The following TMEM51 variants were observed in gnomAD, a reference collection of about 807,000 sequenced individuals.
The protein encoded by TMEM51 is transmembrane protein 51.
In TMEM51, 8 loss-of-function variants were observed where a neutral mutation model predicts 13.6. The ratio of observed to expected loss-of-function variants is 0.59; its 90% CI spans 0.35 to 1.07. The LOEUF (loss-of-function observed/expected upper bound fraction) is 1.07, where lower values mean the gene tolerates loss of function less well. TMEM51 is among the 50% of genes least tolerant of loss of function. TMEM51 has a pLI of 0.02. For synonymous variants in TMEM51, 147 were observed against 144.4 expected (o/e 1.02, Z -0.13); for missense variants, 279 against 330.7 (o/e 0.84, Z 1.21).
At chr1:15,177,714 A>G (rs2100221504) in intron 1 of TMEM51, among the ~76,000 whole-genome samples, 1 of 152,244 alleles carries the variant, frequency 6.6e-6, no homozygotes, top group South Asian at 2.1e-4. Flanking sequence ...ATTGATTAAG[A>G]TTGCATGATT....
At chr1:15,209,235 CATT>C (rs57675605) in intron 1 of TMEM51, among the ~76,000 whole-genome samples, 1,558 of 148,050 alleles carry the variant, frequency 0.011, 23 homozygotes, top group African/African-American at 0.036. Context: ...ACACTGGGCT[CATT>C]ATTATTATTA....
At chr1:15,179,873 T>G (rs940608412) in intron 1 of TMEM51, among the ~76,000 whole-genome samples, 3 of 152,338 alleles carry the variant, frequency 2.0e-5, no homozygotes, top group Middle Eastern at 3.4e-3. Context: ...AAAGAAGGTA[T>G]GCACATATGA....
At chr1:15,217,620 T>G (rs564782307) in intron 3 of TMEM51, among the ~76,000 whole-genome samples, 1 of 152,192 alleles carries the variant, frequency 6.6e-6, no homozygotes, top group African/African-American at 2.4e-5. Flanking sequence ...AAGGCCTGAT[T>G]GAGAACGAGG....
rs1330749080 is a variant in TMEM51, at chr1:15,220,092, T to C, written c.*349T>C. The C allele has an allele frequency of 3.7e-6, 1 of 269,668 alleles. No individual in the cohort carries two copies. The highest frequency in any genetic ancestry group is 2.2e-5 in the African/African-American group (1 of 46,144). 16.7% of individuals were successfully genotyped at this position (269,668 alleles called of 1,614,324 possible). On this transcript the variant is annotated 3_prime_UTR_variant, in exon 4 of 4. Coordinates refer to ENST00000376008, the MANE Select transcript of TMEM51 (RefSeq NM_001136218.2). ...GGTTCCTCGCGGCTGGTTTAGATTG[T>C]GGTTGTTTGTTTTGCTTCTACTAAG...
intron 1 of TMEM51, chr1:15,191,886 T>C: frequency 1.9e-6 from 1 of 524,702 alleles, no homozygotes; most frequent in Admixed American, 2.0e-5. Flanking sequence ...ACGTGACCAT[T>C]TCTCTTTTAG....
chr1:15,163,460 T>C (rs1642864217), intron 1 of TMEM51, among the ~76,000 whole-genome samples: 1 of 151,952 alleles, frequency 6.6e-6, no homozygotes, highest in Admixed American at 6.6e-5. Flanking sequence ...CACCCCCACC[T>C]ACCTCGTACC....
rs758520011 is a variant in TMEM51, at chr1:15,161,484, A to G, written c.-267+7530A>G. On this transcript the variant is annotated intron_variant, in intron 1 of 3. Transcript: ENST00000376008. The surrounding 1 kb of genome is among the most constrained non-coding windows in gnomAD (Gnocchi z 4.0). Reference sequence around the variant, plus strand: ...CGTGCCACTGAACTCCAGCCTGGGCAACAGAGTGAGACTCATCTCAAAAAA... The same window carrying G: ...CGTGCCACTGAACTCCAGCCTGGGCGACAGAGTGAGACTCATCTCAAAAAA... Among the ~76,000 whole-genome samples, 1 of 151,600 alleles carries G rather than the reference A, an allele frequency of 6.6e-6. No individual in the cohort carries two copies. The highest frequency in any genetic ancestry group is 1.5e-5 in the Non-Finnish European group (1 of 67,984).
At chr1:15,178,191 G>T (rs910407951) in intron 1 of TMEM51, among the ~76,000 whole-genome samples, 3 of 152,234 alleles carry the variant, frequency 2.0e-5, no homozygotes, top group Non-Finnish European at 4.4e-5. Flanking sequence ...GGTGAGCAGG[G>T]GTGGAAGAGG....
chr1:15,190,912 C>G (rs1643908983), intron 1 of TMEM51, among the ~76,000 whole-genome samples: 1 of 152,050 alleles, frequency 6.6e-6, no homozygotes, highest in Admixed American at 6.6e-5. Context: ...CTCAGCCTCC[C>G]CAGAAGATGG....
At chr1:15,194,917 C>CTTTTTTTTTT in intron 1 of TMEM51, among the ~76,000 whole-genome samples, 1 of 93,484 alleles carries the variant, frequency 1.1e-5, no homozygotes, top group Non-Finnish European at 2.0e-5. Flanking sequence ...TATAATTTTA[C>CTTTTTTTTTT]TTTTTTTTTT....
At chr1:15,185,688 A>G (rs1643752122) in intron 1 of TMEM51, among the ~76,000 whole-genome samples, 1 of 152,228 alleles carries the variant, frequency 6.6e-6, no homozygotes, top group African/African-American at 2.4e-5. Flanking sequence ...GGTGATCTCC[A>G]AAAGATGGGA....
intron 1 of TMEM51, chr1:15,191,769 T>A: frequency 3.2e-6 from 1 of 312,562 alleles, no homozygotes; most frequent in African/African-American, 2.2e-5. Context: ...AGTTTGCAAA[T>A]CTTTTTATTT....
intron 1 of TMEM51, among the ~76,000 whole-genome samples, chr1:15,154,832 T>A (rs994770334): frequency 6.7e-6 from 1 of 149,866 alleles, no homozygotes; most frequent in Admixed American, 6.6e-5. Flanking sequence ...GGACTGCGGG[T>A]CCTTCCCAAC....
chr1:15,164,542 G>C, intron 1 of TMEM51: 1 of 449,670 alleles, frequency 2.2e-6, no homozygotes, highest in Non-Finnish European at 4.5e-6. Context: ...GATGACATCA[G>C]CCTTGGTCAC....
intron 1 of TMEM51, among the ~76,000 whole-genome samples, chr1:15,160,910 C>A (rs549184351): frequency 4.7e-5 from 7 of 148,842 alleles, no homozygotes; most frequent in African/African-American, 1.7e-4. Flanking sequence ...GGGATTGTAC[C>A]TTAACAACAT....
At position 15,161,679 on chromosome 1, in the gene TMEM51, C is replaced by T. The variant is rs899455728; in HGVS notation, c.-267+7725C>T. Among the ~76,000 whole-genome samples the T allele has an allele frequency of 2.0e-5, 3 of 151,906 alleles. No individual in the cohort carries two copies. The highest frequency in any genetic ancestry group is 1.3e-4 in the Admixed American group (2 of 15,252). ...ATTGGCCGGGCGCAGTGGCTCACGC[C>T]GGTAATCCCAGCACTTTGGGAAACC... On this transcript the variant is annotated intron_variant, in intron 1 of 3. Coordinates refer to ENST00000376008, the MANE Select transcript of TMEM51 (RefSeq NM_001136218.2). This position sits in a 1 kb window ranked among gnomAD's most constrained non-coding sequence, Gnocchi z 4.0.
At chr1:15,175,714 C>G (rs1643437767) in intron 1 of TMEM51, among the ~76,000 whole-genome samples, 1 of 152,206 alleles carries the variant, frequency 6.6e-6, no homozygotes, top group South Asian at 2.1e-4. Context: ...AGAGCTTGTG[C>G]AGGGGAACTG....
In TMEM51 at chr1:15,203,719, A is replaced by G. The variant is rs1644199950; in HGVS notation, c.-266-6771A>G. 1.3e-5 allele frequency among the ~76,000 whole-genome samples: 2 copies of G among 152,206 alleles called. 1 individual carries two copies. The highest frequency in any genetic ancestry group is 4.1e-4 in the South Asian group (2 of 4,834). ...GTGCTTAGATCAGGACTTGGTCCAT[A>G]GTAGGTGCTCAGTTAATATTGTGTT... On this transcript the variant is annotated intron_variant, in intron 1 of 3. Coordinates refer to ENST00000376008, the MANE Select transcript of TMEM51 (RefSeq NM_001136218.2).
intron 1 of TMEM51, chr1:15,168,632 C>A: frequency 7.7e-7 from 1 of 1,304,440 alleles, no homozygotes; most frequent in Non-Finnish European, 1.0e-6. Flanking sequence ...TCAACCTTGC[C>A]TGTGTGTTTG....
Sources: allele counts gnomAD v4.1 joint callset (sites outside exome capture counted in the v4.1 genomes callset), GRCh38; gene constraint gnomAD v4.1.1; non-coding constraint Gnocchi (gnomAD v3.1); transcripts MANE v1.5; gene names NCBI Gene and HGNC (gene_info 2026-07-23, HGNC 2026-07-21).